ROBO1: variants seen among roughly 807,000 people sequenced by gnomAD.
ROBO1 encodes roundabout homolog 1.
In ROBO1, 149 loss-of-function variants were observed where a neutral mutation model predicts 195.9. The ratio of observed to expected loss-of-function variants is 0.76; its 90% CI spans 0.67 to 0.87. The LOEUF (loss-of-function observed/expected upper bound fraction) is 0.87. ROBO1 is among the 40% of genes least tolerant of loss of function. The pLI, the probability that ROBO1 is intolerant of heterozygous loss-of-function variation, is 0.00. For synonymous variants in ROBO1, 816 were observed against 733.2 expected, an observed-to-expected ratio of 1.11 and a Z score of -1.82; for missense variants, 1,933 against 2,068.3, an observed-to-expected ratio of 0.93 and a Z score of 1.27.
intron 2 of ROBO1, among the ~76,000 whole-genome samples, chr3:79,280,013 CA>C (rs1475784446): frequency 6.6e-6 from 1 of 152,108 alleles, no homozygotes; most frequent in African/African-American, 2.4e-5. Context: ...TTAAACACTG[CA>C]AACTATCACT....
At chr3:79,634,869 AC>A (rs536456438) in intron 1 of ROBO1, among the ~76,000 whole-genome samples, 167 of 152,294 alleles carry the variant, frequency 1.1e-3, no homozygotes, top group African/African-American at 3.7e-3. Context: ...GCGAATAGGA[AC>A]ATCAAAATAT....
chr3:79,612,530 T>C (rs1944693096), intron 1 of ROBO1, among the ~76,000 whole-genome samples: 1 of 151,640 alleles, frequency 6.6e-6, no homozygotes, highest in Non-Finnish European at 1.5e-5. Flanking sequence ...TTTATAGTCC[T>C]TTGGGTATAT....
intron 3 of ROBO1, among the ~76,000 whole-genome samples, 165 bp downstream of exon 3, chr3:79,125,291 T>C (rs577743738): frequency 2.2e-4 from 34 of 152,336 alleles, no homozygotes; most frequent in African/African-American, 7.9e-4. Flanking sequence ...GTGTTTACTT[T>C]AGCAATATGA....
chr3:78,931,890 C>T lies in ROBO1; in HGVS notation c.499+6711G>A, dbSNP rs189535728. On this transcript the variant is annotated intron_variant, in intron 4 of 30. Coordinates refer to ENST00000464233, the MANE Select transcript of ROBO1 (RefSeq NM_002941.4). ...ACTCAGAAGTCTGAGTTAGGAGGAT[C>T]GCTTGAGCCCAGGAAGTTGAGTCTA... 1.9e-3 allele frequency among the ~76,000 whole-genome samples: 287 copies of T among 152,110 alleles called. 1 individual carries two copies. The highest frequency in any genetic ancestry group is 6.6e-3 in the African/African-American group (274 of 41,508).
chr3:79,028,414 C>T (rs1348644841), intron 3 of ROBO1, among the ~76,000 whole-genome samples: 1 of 151,704 alleles, frequency 6.6e-6, no homozygotes, highest in Non-Finnish European at 1.5e-5. Flanking sequence ...TTAACACTAT[C>T]ATTAAAAGAG....
At chr3:78,892,751 T>C (rs953906238) in intron 4 of ROBO1, among the ~76,000 whole-genome samples, 1 of 152,194 alleles carries the variant, frequency 6.6e-6, no homozygotes, top group Non-Finnish European at 1.5e-5. Flanking sequence ...TTAATTTTTA[T>C]GCCTAAAGGG....
intron 2 of ROBO1, among the ~76,000 whole-genome samples, chr3:79,139,135 AAC>A (rs2080472114): frequency 6.6e-6 from 1 of 151,446 alleles, no homozygotes; most frequent in South Asian, 2.1e-4. Context: ...GAACATCAAT[AAC>A]ATATATATAT....
intron 4 of ROBO1, among the ~76,000 whole-genome samples, chr3:78,848,302 C>T (rs1354622325): frequency 6.6e-6 from 1 of 152,148 alleles, no homozygotes; most frequent in Non-Finnish European, 1.5e-5. Flanking sequence ...AATTGCATTA[C>T]TTTTAAAGGC....
intron 1 of ROBO1, among the ~76,000 whole-genome samples, chr3:79,749,361 A>G (rs568895263): frequency 6.6e-6 from 1 of 152,324 alleles, no homozygotes; most frequent in East Asian, 1.9e-4. Flanking sequence ...AAAAGTTTGG[A>G]AAATTTGCAG....
At chr3:79,044,820 T>C (rs2078559558) in intron 3 of ROBO1, among the ~76,000 whole-genome samples, 1 of 151,918 alleles carries the variant, frequency 6.6e-6, no homozygotes, top group Admixed American at 6.6e-5. Context: ...TACATAAGAG[T>C]TGTAATCAGA....
chr3:79,223,530 A>T (rs990009713), intron 2 of ROBO1, among the ~76,000 whole-genome samples: 5 of 152,166 alleles, frequency 3.3e-5, no homozygotes, highest in Non-Finnish European at 7.3e-5. Context: ...TCTGGGACCA[A>T]TTCTTTCTCT....
chr3:79,543,937 A>G (rs1248839513), intron 2 of ROBO1, among the ~76,000 whole-genome samples: 1 of 152,140 alleles, frequency 6.6e-6, no homozygotes, highest in African/African-American at 2.4e-5. Context: ...TAATGAAAGC[A>G]GAAATAAGCA....
At chr3:79,698,698 A>G (rs1432837906) in intron 1 of ROBO1, among the ~76,000 whole-genome samples, 3 of 151,594 alleles carry the variant, frequency 2.0e-5, no homozygotes, top group African/African-American at 4.8e-5. Context: ...AAGTATTCCT[A>G]AAGGGAACCA....
chr3:78,875,860 C>G (rs1335575955), intron 4 of ROBO1, among the ~76,000 whole-genome samples: 1 of 152,006 alleles, frequency 6.6e-6, no homozygotes, highest in Non-Finnish European at 1.5e-5. Context: ...ATTAGTAAGT[C>G]CTTCACATGT....
intron 27 of ROBO1, 90 bp from the exon 28 acceptor site, chr3:78,614,890 A>C: frequency 7.8e-7 from 1 of 1,277,870 alleles, no homozygotes. Context: ...TTAAAACCAG[A>C]AACAGCTTTA....
At chr3:78,884,530 T>C (rs1230120423) in intron 4 of ROBO1, among the ~76,000 whole-genome samples, 2 of 143,788 alleles carry the variant, frequency 1.4e-5, no homozygotes, top group South Asian at 2.2e-4. Context: ...GATGGGAGGA[T>C]TGCCCCTCAA....
At chr3:79,237,373 C>G (rs1189680789) in intron 2 of ROBO1, among the ~76,000 whole-genome samples, 1 of 151,678 alleles carries the variant, frequency 6.6e-6, no homozygotes, top group East Asian at 1.9e-4. Context: ...CCCAGCTACT[C>G]GGGAGGCTGA....
At chr3:78,849,760 A>G (rs1044306239) in intron 4 of ROBO1, among the ~76,000 whole-genome samples, 1 of 151,730 alleles carries the variant, frequency 6.6e-6, no homozygotes, top group Non-Finnish European at 1.5e-5. Context: ...TGATTTTCAA[A>G]TATCTTTCAG....
intron 2 of ROBO1, among the ~76,000 whole-genome samples, chr3:79,552,678 A>C (rs1464802215): frequency 6.6e-6 from 1 of 152,150 alleles, no homozygotes; most frequent in Non-Finnish European, 1.5e-5. Flanking sequence ...TTCAAGCTAC[A>C]CAATTATTAG....
Sources: gnomAD v4.1 joint callset for allele counts (sites outside exome capture counted in the v4.1 genomes callset) on GRCh38, gnomAD v4.1.1 for gene constraint, MANE v1.5 for transcripts, NCBI Gene and HGNC (gene_info 2026-07-23, HGNC 2026-07-21) for gene names.